ADCY1: variants seen among roughly 807,000 people sequenced by gnomAD.
The protein encoded by ADCY1 is adenylate cyclase 1.
In ADCY1, 28 loss-of-function variants were observed where a neutral mutation model predicts 105.4. That is an observed-to-expected ratio of 0.27 (90% CI 0.20 to 0.36). The LOEUF (loss-of-function observed/expected upper bound fraction) is 0.36, where lower values mean the gene tolerates loss of function less well. ADCY1 is among the 10% of genes least tolerant of loss of function. ADCY1 has a pLI of 1.00. For synonymous variants in ADCY1, 655 were observed against 623.8 expected (o/e 1.05, Z -0.75); for missense variants, 977 against 1,434.2 (o/e 0.68, Z 5.15).
chr7:45,695,742 G>C (rs948362596), intron 14 of ADCY1, among the ~76,000 whole-genome samples: 1 of 152,248 alleles, frequency 6.6e-6, no homozygotes, highest in Non-Finnish European at 1.5e-5. Context: ...GTGGAGAGCA[G>C]TGTGGTAGCA....
At chr7:45,616,421 A>G (rs1174582141) in intron 3 of ADCY1, among the ~76,000 whole-genome samples, 2 of 152,236 alleles carry the variant, frequency 1.3e-5, no homozygotes, top group African/African-American at 4.8e-5. Context: ...TTCCTCAGCA[A>G]GATACTATCA....
intron 2 of ADCY1, among the ~76,000 whole-genome samples, chr7:45,601,772 G>A (rs1793246885): frequency 1.3e-5 from 2 of 152,164 alleles, no homozygotes; most frequent in African/African-American, 4.8e-5. Flanking sequence ...CTCGGGATGA[G>A]AGGTAGGGGT....
In ADCY1 at chr7:45,647,420, C is replaced by T. The variant is rs1420896963; in HGVS notation, c.1021-1250C>T. ...TGTGTTAACTCAGCATTCGACAGGA[C>T]CTGCAGGGCCCCAGTCATTTGTAAG... On this transcript the variant is annotated intron_variant, in intron 4 of 19. Transcript: ENST00000297323. The surrounding 1 kb of genome is among the most constrained non-coding windows in gnomAD (Gnocchi z 4.6). 6.6e-6 allele frequency among the ~76,000 whole-genome samples: 1 copy of T among 152,212 alleles called. No individual in the cohort carries two copies. Among genetic ancestry groups the T allele is most frequent in the African/African-American group, 2.4e-5 (1 of 41,448 alleles).
intron 8 of ADCY1, among the ~76,000 whole-genome samples, chr7:45,674,607 C>A (rs576956889): frequency 6.6e-6 from 1 of 152,148 alleles, no homozygotes; most frequent in South Asian, 2.1e-4. Flanking sequence ...CTCCTGACTT[C>A]GTGATCCACC....
At chr7:45,641,052 G>A (rs1324794440) in intron 4 of ADCY1, among the ~76,000 whole-genome samples, 1 of 152,098 alleles carries the variant, frequency 6.6e-6, no homozygotes, top group East Asian at 1.9e-4. Flanking sequence ...TTTATTTTGT[G>A]TTTACTCTGG....
At chr7:45,636,694 C>A (rs993662792) in intron 4 of ADCY1, among the ~76,000 whole-genome samples, 1 of 152,186 alleles carries the variant, frequency 6.6e-6, no homozygotes, top group Non-Finnish European at 1.5e-5. Flanking sequence ...GTGCACACCA[C>A]CACACCCAGC....
At chr7:45,657,944 G>C in intron 6 of ADCY1, 59 bp downstream of exon 6, 1 of 1,531,330 alleles carries the variant, frequency 6.5e-7, no homozygotes, top group African/African-American at 1.4e-5. Context: ...GCACCCCTGG[G>C]CTAAATCCTT....
chr7:45,602,244 T>C (rs913811758), intron 2 of ADCY1, among the ~76,000 whole-genome samples: 2 of 151,732 alleles, frequency 1.3e-5, no homozygotes, highest in African/African-American at 2.4e-5. Flanking sequence ...TGAAGACCAC[T>C]TGGGGGCTTC....
rs1562723557 is a variant in ADCY1, at chr7:45,686,135, C to G, written c.2247C>G (p.Ser749=). 1 of 1,614,206 alleles carries G rather than the reference C, an allele frequency of 6.2e-7. No individual in the cohort carries two copies. Among genetic ancestry groups the G allele is most frequent in the East Asian group, 2.2e-5 (1 of 44,874 alleles). The part of the protein sequence containing the change: ...LPLAIFFRVS[S]LPKMILLSGL... ...TAGCCATATTTTTCCGGGTGTCCTC[C>G]TTGCCAAAAATGATCCTGCTCTCCG... is the stretch of plus-strand genomic sequence containing the variant. The change falls in exon 13 of 20, where the codon TCC becomes TCG. Residue 749 remains serine (S), a synonymous_variant. Coordinates refer to ENST00000297323, the MANE Select transcript of ADCY1 (RefSeq NM_021116.4). This position sits in a 1 kb window ranked among gnomAD's most constrained non-coding sequence, Gnocchi z 4.3.
At chr7:45,711,910 A>ATCAATATATTTATATATTATAT (rs1785250937) in intron 19 of ADCY1, among the ~76,000 whole-genome samples, 1 of 97,428 alleles carries the variant, frequency 1.0e-5, no homozygotes, top group Admixed American at 1.2e-4. Context: ...TATTAAATAT[A>ATCAATATATTTATATATTATAT]TAAATATATT....
chr7:45,626,574 G>A (rs1416055635), intron 4 of ADCY1, among the ~76,000 whole-genome samples: 3 of 152,344 alleles, frequency 2.0e-5, no homozygotes, highest in South Asian at 2.1e-4. Flanking sequence ...ACGTGCCCAC[G>A]AGGAGCACAG....
chr7:45,684,976 C>T lies in ADCY1; in HGVS notation c.1984-3C>T, dbSNP rs950489830. 17 of 1,612,542 alleles carry T rather than the reference C, an allele frequency of 1.1e-5. No individual in the cohort carries two copies. Among genetic ancestry groups the T allele is most frequent in the African/African-American group, 2.7e-5 (2 of 74,908 alleles). On this transcript the variant is annotated splice_region_variant and splice_polypyrimidine_tract_variant and intron_variant, in intron 11 of 19. Coordinates refer to ENST00000297323, the MANE Select transcript of ADCY1 (RefSeq NM_021116.4). ...ATTTTCTAAATTAACATTTCTTATT[C>T]AGTGTTTTCCAGGGTGCCTGACGAT...
At chr7:45,638,619 A>G (rs1584292854) in intron 4 of ADCY1, among the ~76,000 whole-genome samples, 1 of 151,810 alleles carries the variant, frequency 6.6e-6, no homozygotes, top group South Asian at 2.1e-4. Context: ...TGTGTGCCTC[A>G]TATGTGCTGG....
chr7:45,664,532 C>T, intron 8 of ADCY1: 1 of 1,361,852 alleles, frequency 7.3e-7, no homozygotes, highest in Non-Finnish European at 9.6e-7. Context: ...ATGGAGAACA[C>T]AAAGATGCAC....
chr7:45,688,334 G>C (rs1429833487), intron 14 of ADCY1, among the ~76,000 whole-genome samples: 1 of 152,234 alleles, frequency 6.6e-6, no homozygotes, highest in Non-Finnish European at 1.5e-5. Context: ...CTTGTGCAAA[G>C]TAGGTGCTCG....
chr7:45,610,446 C>T lies in ADCY1; in HGVS notation c.857C>T (p.Pro286Leu). 1 of 1,614,008 alleles carries T rather than the reference C, an allele frequency of 6.2e-7. No individual in the cohort carries two copies. Among genetic ancestry groups the T allele is most frequent in the Non-Finnish European group, 8.5e-7 (1 of 1,180,002 alleles). Residue 286 changes from proline (P) to leucine (L), a missense_variant, in exon 3 of 20, where the codon CCC becomes CTC. Transcript: ENST00000297323. ...AMEMKEDFLK[P>L]PERIFHKIYI... ...GAGATGAAGGAGGACTTCCTGAAGCCCCCTGAGAGGATTTTCCACAAGATT... is the reference window on the plus strand; with the variant it reads ...GAGATGAAGGAGGACTTCCTGAAGCTCCCTGAGAGGATTTTCCACAAGATT...
Position 45,592,989 on chromosome 7 carries a change from G to A in ADCY1, c.789+81G>A, listed in dbSNP as rs1584254561. On this transcript the variant is annotated intron_variant, in intron 2 of 19. Coordinates refer to ENST00000297323, the MANE Select transcript of ADCY1 (RefSeq NM_021116.4). ...GAAGAAGCTGGCTTCCTGAGCCTCAGTTTACCCCGTGGTGACATGGGCCAC... is the reference window on the plus strand; with the variant it reads ...GAAGAAGCTGGCTTCCTGAGCCTCAATTTACCCCGTGGTGACATGGGCCAC... The A allele has an allele frequency of 1.3e-5, 20 of 1,564,516 alleles. 1 individual carries two copies. The highest frequency in any genetic ancestry group is 1.6e-5 in the Non-Finnish European group (18 of 1,150,058).
In ADCY1 at chr7:45,622,150, C is replaced by G. The variant is rs140811469; in HGVS notation, c.909-482C>G. The stretch of plus-strand genomic sequence containing the variant: ...TGCCCAGGAATTCGGGGACTCCCTC[C>G]CTTTTCATTGTGAAGCATTGACACC... On this transcript the variant is annotated intron_variant, in intron 3 of 19. Coordinates refer to ENST00000297323, the MANE Select transcript of ADCY1 (RefSeq NM_021116.4). Among the ~76,000 whole-genome samples the G allele has an allele frequency of 2.6e-5, 4 of 152,150 alleles. No homozygotes were observed. The East Asian group carries it at 7.7e-4, about 29-fold the overall frequency.
At chr7:45,713,140 C>T (rs923464100) in intron 19 of ADCY1, among the ~76,000 whole-genome samples, 1 of 152,188 alleles carries the variant, frequency 6.6e-6, no homozygotes, top group Admixed American at 6.5e-5. Context: ...CTGCCCCCTA[C>T]ATTCTGTATG....
Sources: allele counts gnomAD v4.1 joint callset (sites outside exome capture counted in the v4.1 genomes callset), GRCh38; gene constraint gnomAD v4.1.1; non-coding constraint Gnocchi (gnomAD v3.1); transcripts MANE v1.5; gene names NCBI Gene and HGNC (gene_info 2026-07-23, HGNC 2026-07-21).